The following EFHC2 variants were observed in gnomAD, a reference collection of about 807,000 sequenced individuals.
EFHC2 encodes the protein EF-hand domain-containing family member C2.
EFHC2 carries 18 observed loss-of-function variants against 52.7 expected under a neutral mutation model. That is an observed-to-expected ratio of 0.34 (90% CI 0.24 to 0.51). EFHC2 has a LOEUF of 0.51. Among genes scored for constraint, EFHC2 ranks in the 20% least tolerant of loss-of-function variants. EFHC2 has a pLI of 0.97. For synonymous variants in EFHC2, 203 were observed against 204.1 expected (o/e 0.99, Z 0.04); for missense variants, 513 against 562.5 (o/e 0.91, Z 0.89).
At chrX:44,213,359 G>A (rs1282235557) in intron 11 of EFHC2, among the ~76,000 whole-genome samples, 1 of 111,748 alleles carries the variant, frequency 8.9e-6, no homozygotes, top group Non-Finnish European at 1.9e-5. Context: ...AGATTTATCT[G>A]AGCCAAATAT....
chrX:44,189,740 G>A (rs2036905787), intron 11 of EFHC2, among the ~76,000 whole-genome samples: 1 of 111,170 alleles, frequency 9.0e-6, no homozygotes, highest in Non-Finnish European at 1.9e-5. Context: ...CTTGTTGAGT[G>A]TTAGGGAGAC....
intron 1 of EFHC2, among the ~76,000 whole-genome samples, chrX:44,319,293 G>T (rs978567414): frequency 1.8e-5 from 2 of 111,125 alleles, no homozygotes; most frequent in African/African-American, 6.6e-5. Context: ...ATAAGCCACT[G>T]CGCCGGGCAC....
chrX:44,307,027 C>A (rs896163877), intron 2 of EFHC2, among the ~76,000 whole-genome samples: 3 of 111,348 alleles, frequency 2.7e-5, no homozygotes, highest in Admixed American at 9.5e-5. Flanking sequence ...CAGTTATTAG[C>A]TGCCCCCTCT....
intron 2 of EFHC2, among the ~76,000 whole-genome samples, chrX:44,297,553 A>G (rs1452902857): frequency 9.2e-6 from 1 of 109,073 alleles, no homozygotes; most frequent in African/African-American, 3.3e-5. Flanking sequence ...GTGAAACCCC[A>G]TCTATACTAA....
At chrX:44,210,402 G>A (rs2037086653) in intron 11 of EFHC2, among the ~76,000 whole-genome samples, 1 of 112,084 alleles carries the variant, frequency 8.9e-6, no homozygotes. Flanking sequence ...GAAGAACAAA[G>A]TTGGAGCACT....
chrX:44,337,197 G>C (rs1461914562), intron 1 of EFHC2, among the ~76,000 whole-genome samples: 1 of 111,608 alleles, frequency 9.0e-6, no homozygotes, highest in Non-Finnish European at 1.9e-5. Context: ...TGACTGAAAA[G>C]TTTTTTGAAT....
chrX:44,333,714 A>G (rs993987768), intron 1 of EFHC2, among the ~76,000 whole-genome samples: 3 of 107,159 alleles, frequency 2.8e-5, no homozygotes, highest in Admixed American at 1.0e-4. Flanking sequence ...GTAGATGGTG[A>G]AAAAAAAAAC....
rs189408420 is a variant in EFHC2, at chrX:44,223,344, G to A, written c.1751+6305C>T. On this transcript the variant is annotated intron_variant, in intron 11 of 14. Transcript: ENST00000420999. Reference sequence around the variant, plus strand: ...AATCAAGTTCTTGGCAGCAATGCAAGTGCAGCAATGAGTCATGGGTGGTGG... The same window carrying A: ...AATCAAGTTCTTGGCAGCAATGCAAATGCAGCAATGAGTCATGGGTGGTGG... Among the ~76,000 whole-genome samples the A allele has an allele frequency of 3.2e-3, 360 of 112,433 alleles. 2 individuals are homozygous for A. Among genetic ancestry groups the A allele is most frequent in the African/African-American group, 0.011 (339 of 30,936 alleles).
In EFHC2 at chrX:44,242,110, C is replaced by G; in HGVS notation, c.1280+11G>C. The G allele has an allele frequency of 8.6e-7, 1 of 1,169,578 alleles. No homozygotes were observed. Among genetic ancestry groups the G allele is most frequent in the East Asian group, 3.1e-5 (1 of 32,719 alleles). On this transcript the variant is annotated intron_variant, in intron 8 of 14. Coordinates refer to ENST00000420999, the MANE Select transcript of EFHC2 (RefSeq NM_025184.4). ...GAAAGATCAGACTAAAATCATGGTT[C>G]CCTCAAGCACCTGTCTTTTTCCATA...
chrX:44,188,702 G>C (rs2036896584), intron 11 of EFHC2, among the ~76,000 whole-genome samples: 1 of 111,770 alleles, frequency 8.9e-6, no homozygotes, highest in Non-Finnish European at 1.9e-5. Flanking sequence ...CTTCACAGCA[G>C]AGGTGGTAGC....
chrX:44,293,764 C>T (rs2037809141), intron 2 of EFHC2, among the ~76,000 whole-genome samples: 1 of 111,984 alleles, frequency 8.9e-6, no homozygotes, highest in Non-Finnish European at 1.9e-5. Context: ...ACCATACTCT[C>T]CTGTAAGATG....
In EFHC2 at chrX:44,322,134, A is replaced by G. The variant is rs749125751; in HGVS notation, c.43-9378T>C. On this transcript the variant is annotated intron_variant, in intron 1 of 14. Transcript: ENST00000420999. ...AATAAAATGTTTTCTAAAAAATAATACACGTGCTCCTTGAAAGGGCAGCAG... is the reference window on the plus strand; with the variant it reads ...AATAAAATGTTTTCTAAAAAATAATGCACGTGCTCCTTGAAAGGGCAGCAG... Among the ~76,000 whole-genome samples the G allele has an allele frequency of 5.5e-5, 6 of 109,988 alleles. No individual in the cohort carries two copies. In the East Asian group the frequency reaches 1.4e-3, roughly 26 times the overall value.
At chrX:44,162,649 G>A (rs992707758) in intron 14 of EFHC2, among the ~76,000 whole-genome samples, 3 of 111,538 alleles carry the variant, frequency 2.7e-5, no homozygotes, top group African/African-American at 9.8e-5. Context: ...GCTGTCCCAT[G>A]TCCAGAGAAT....
chrX:44,211,655 A>T (rs1208938745), intron 11 of EFHC2, among the ~76,000 whole-genome samples: 1 of 110,374 alleles, frequency 9.1e-6, no homozygotes, highest in Non-Finnish European at 1.9e-5. Context: ...AGATCAGGAG[A>T]TCGAGACCAT....
At chrX:44,216,658 C>T (rs2147309277) in intron 11 of EFHC2, among the ~76,000 whole-genome samples, 1 of 111,230 alleles carries the variant, frequency 9.0e-6, no homozygotes, top group African/African-American at 3.3e-5. Flanking sequence ...AACTGGATAT[C>T]CATATACAAA....
chrX:44,173,271 T>C (rs930150409), intron 13 of EFHC2, among the ~76,000 whole-genome samples: 1 of 111,836 alleles, frequency 8.9e-6, no homozygotes, highest in Non-Finnish European at 1.9e-5. Flanking sequence ...AGAGCATGCA[T>C]TGAACAAAAT....
chrX:44,239,558 G>A (rs1192771431), intron 8 of EFHC2, among the ~76,000 whole-genome samples: 1 of 111,887 alleles, frequency 8.9e-6, no homozygotes, highest in Non-Finnish European at 1.9e-5. Flanking sequence ...AGATTTCCCT[G>A]GGTTCAGTTC....
chrX:44,315,185 A>G (rs928693132), intron 1 of EFHC2, among the ~76,000 whole-genome samples: 1 of 111,123 alleles, frequency 9.0e-6, no homozygotes, highest in Non-Finnish European at 1.9e-5. Flanking sequence ...ACCATGTGAT[A>G]CACTGGCTCT....
intron 11 of EFHC2, among the ~76,000 whole-genome samples, chrX:44,188,438 C>CCATT (rs1208050079): frequency 3.6e-5 from 4 of 111,561 alleles, no homozygotes; most frequent in East Asian, 2.8e-4. Flanking sequence ...GTCCATGAAT[C>CCATT]CATTCATTCA....
Sources: gnomAD v4.1 joint callset for allele counts (sites outside exome capture counted in the v4.1 genomes callset) on GRCh38, gnomAD v4.1.1 for gene constraint, MANE v1.5 for transcripts, NCBI Gene and HGNC (gene_info 2026-07-23, HGNC 2026-07-21) for gene names.